CALN1: variants seen among roughly 807,000 people sequenced by gnomAD.
The protein encoded by CALN1 is calneuron 1.
Under a neutral mutation model 30.6 loss-of-function variants are expected in CALN1, and 17 were observed. The ratio of observed to expected loss-of-function variants is 0.56; its 90% CI spans 0.38 to 0.83. The LOEUF is 0.83. Ranked by LOEUF, CALN1 falls within the 40% of genes least tolerant of loss-of-function variation. The pLI, the probability that CALN1 is intolerant of heterozygous loss-of-function variation, is 0.00. For synonymous variants in CALN1, 156 were observed against 131.4 expected, an observed-to-expected ratio of 1.19 and a Z score of -1.28; for missense variants, 291 against 354.9, an observed-to-expected ratio of 0.82 and a Z score of 1.45.
intron 2 of CALN1, among the ~76,000 whole-genome samples, chr7:72,312,394 G>C (rs971535185): frequency 1.4e-5 from 1 of 71,828 alleles, no homozygotes; most frequent in Non-Finnish European, 3.0e-5. Flanking sequence ...CTTCATCTCA[G>C]AAAAAAAAAA....
intron 2 of CALN1, among the ~76,000 whole-genome samples, chr7:72,333,968 G>A (rs925498436): frequency 6.6e-6 from 1 of 152,152 alleles, no homozygotes; most frequent in Admixed American, 6.5e-5. Flanking sequence ...TTTTCCTAAG[G>A]AAGCAATGTG....
At chr7:71,811,803 C>T (rs566557020) in intron 5 of CALN1, among the ~76,000 whole-genome samples, 5 of 151,930 alleles carry the variant, frequency 3.3e-5, no homozygotes, top group South Asian at 4.2e-4. Flanking sequence ...CTCAGCCTCC[C>T]GAGTAGCTGG....
chr7:72,481,029 T>C, the CALN1 span, among the ~76,000 whole-genome samples: 1 of 152,302 alleles, frequency 6.6e-6, no homozygotes, highest in African/African-American at 2.4e-5. Flanking sequence ...CTCGGCTCCC[T>C]GTGACCTCCG....
At chr7:71,893,677 C>A (rs769623461) in intron 5 of CALN1, among the ~76,000 whole-genome samples, 2 of 150,154 alleles carry the variant, frequency 1.3e-5, no homozygotes, top group Non-Finnish European at 3.0e-5. Context: ...GGCGACAGAG[C>A]AAGACTCTGT....
At chr7:72,427,664 T>C in intron 1 of CALN1, among the ~76,000 whole-genome samples, 1 of 152,000 alleles carries the variant, frequency 6.6e-6, no homozygotes, top group South Asian at 2.1e-4. Flanking sequence ...TTTTTATTTT[T>C]ATTTTTATTT....
intron 5 of CALN1, among the ~76,000 whole-genome samples, chr7:71,933,670 A>G (rs970408416): frequency 3.3e-5 from 5 of 152,202 alleles, no homozygotes; most frequent in African/African-American, 1.2e-4. Flanking sequence ...GGCAGTCAGT[A>G]GAAGCTTAAC....
chr7:72,314,710 C>T (rs1459459237), intron 2 of CALN1, among the ~76,000 whole-genome samples: 5 of 151,486 alleles, frequency 3.3e-5, no homozygotes, highest in African/African-American at 9.7e-5. Flanking sequence ...CCACCGTGCC[C>T]GGCCATATTT....
At chr7:72,267,971 C>A (rs1239731708) in intron 3 of CALN1, among the ~76,000 whole-genome samples, 1 of 152,130 alleles carries the variant, frequency 6.6e-6, no homozygotes, top group South Asian at 2.1e-4. Context: ...CGTGCCACTG[C>A]ACTCCAGCCG....
chr7:72,292,716 G>T (rs966587847), intron 2 of CALN1, among the ~76,000 whole-genome samples: 1 of 150,506 alleles, frequency 6.6e-6, no homozygotes, highest in African/African-American at 2.5e-5. Context: ...AGCTACTCGG[G>T]AGGCTGAGGC....
At chr7:72,161,608 C>A (rs1161891044) in intron 3 of CALN1, among the ~76,000 whole-genome samples, 2 of 152,144 alleles carry the variant, frequency 1.3e-5, no homozygotes, top group Non-Finnish European at 2.9e-5. Flanking sequence ...GTGGAACTCT[C>A]TGCCTGAAGG....
intron 3 of CALN1, among the ~76,000 whole-genome samples, chr7:72,118,122 C>G (rs1487835724): frequency 6.6e-6 from 1 of 152,064 alleles, no homozygotes; most frequent in Non-Finnish European, 1.5e-5. Context: ...ACATTCCTGG[C>G]CTTTCTCATT....
chr7:71,812,899 A>T (rs113901840), intron 5 of CALN1, among the ~76,000 whole-genome samples: 8 of 149,636 alleles, frequency 5.3e-5, no homozygotes, highest in African/African-American at 2.0e-4. Flanking sequence ...ATGCACCACC[A>T]TGTCCAGCTA....
chr7:71,827,633 ATGG>A lies in CALN1; in HGVS notation c.502-17144_502-17142del, dbSNP rs1299336564. On this transcript the variant is annotated intron_variant, in intron 5 of 6. Coordinates refer to ENST00000395275, the MANE Select transcript of CALN1 (RefSeq NM_031468.4). ...TAAAAATACAAAAAATTAGCTGGGCATGGTGGTGGGTGCCTGTAGTCCCAGCTA... is the reference window on the plus strand; with the variant it reads ...TAAAAATACAAAAAATTAGCTGGGCATGGTGGGTGCCTGTAGTCCCAGCTA... Among the ~76,000 whole-genome samples, 9 of 151,842 alleles carry A rather than the reference ATGG, an allele frequency of 5.9e-5. No individual in the cohort carries two copies. In the East Asian group the frequency reaches 1.8e-3, roughly 30 times the overall value.
At position 71,810,502 on chromosome 7, in the gene CALN1, TAA is replaced by T. The variant is rs760938312; in HGVS notation, c.502-12_502-11del. ...TCCTTTGCATGTCAAACTGTGGAGA[TAA>T]AGAGTAGTGAGATGGTCAGAAGCAT... On this transcript the variant is annotated splice_polypyrimidine_tract_variant and intron_variant, in intron 5 of 6. Coordinates refer to ENST00000395275, the MANE Select transcript of CALN1 (RefSeq NM_031468.4). 1.7e-5 allele frequency: 27 copies of T among 1,612,676 alleles called. No individual in the cohort carries two copies. The highest frequency in any genetic ancestry group is 3.3e-5 in the Admixed American group (2 of 59,944).
At chr7:72,396,085 A>C (rs571589515) in intron 2 of CALN1, among the ~76,000 whole-genome samples, 1 of 151,768 alleles carries the variant, frequency 6.6e-6, no homozygotes, top group Admixed American at 6.6e-5. Flanking sequence ...CAGAGGCTAC[A>C]TTACATGAGG....
intron 4 of CALN1, among the ~76,000 whole-genome samples, chr7:72,097,157 C>G (rs572067747): frequency 6.7e-6 from 1 of 149,412 alleles, no homozygotes; most frequent in South Asian, 2.2e-4. Flanking sequence ...CGGGGCCTGT[C>G]GTGGGGTGGG....
chr7:71,843,490 G>A (rs1188101475), intron 5 of CALN1, among the ~76,000 whole-genome samples: 1 of 152,136 alleles, frequency 6.6e-6, no homozygotes, highest in Non-Finnish European at 1.5e-5. Flanking sequence ...AGGCATGGTA[G>A]TGTGCACCTG....
intron 5 of CALN1, among the ~76,000 whole-genome samples, chr7:71,856,192 T>C (rs1584381046): frequency 1.3e-5 from 2 of 151,670 alleles, no homozygotes; most frequent in East Asian, 3.9e-4. Flanking sequence ...GTGATACATA[T>C]GTAAATATAC....
chr7:72,475,930 CCT>C, the CALN1 span, among the ~76,000 whole-genome samples: 2 of 140,268 alleles, frequency 1.4e-5, no homozygotes. Context: ...TCTCTCTCTC[CCT>C]CTCTCTCTCT....
Sources: allele counts gnomAD v4.1 joint callset (sites outside exome capture counted in the v4.1 genomes callset), GRCh38; gene constraint gnomAD v4.1.1; transcripts MANE v1.5; gene names NCBI Gene and HGNC (gene_info 2026-07-23, HGNC 2026-07-21).